Variants in LTN1 observed in about 807,000 individuals in gnomAD.
LTN1 encodes E3 ubiquitin-protein ligase listerin.
LTN1 carries 88 observed loss-of-function variants against 201.2 expected under a neutral mutation model. The observed-to-expected ratio is 0.44, with a 90% CI of 0.37 to 0.52. The LOEUF (loss-of-function observed/expected upper bound fraction) is 0.52. Ranked by LOEUF, LTN1 falls within the 20% of genes least tolerant of loss-of-function variation. The pLI is 0.00. For missense variants in LTN1, 1,752 were observed against 2,038.7 expected (o/e 0.86, Z 2.71); for synonymous variants, 645 against 713.5 (o/e 0.90, Z 1.53).
At position 28,931,179 on chromosome 21, in the gene LTN1, C is replaced by T; in HGVS notation, c.5214G>A (p.Lys1738=). Residue 1738 remains lysine (K), a synonymous_variant, in exon 29 of 30, where the codon AAG becomes AAA. Coordinates refer to ENST00000361371, the MANE Select transcript of LTN1 (RefSeq NM_015565.3). ...SLPKKACRTC[K]KKFHSACLYK... is the part of the protein sequence containing the mutation. ...CCAAGCAGGCTGAATGGAATTTTTT[C>T]TTGCATGTTCTACAGGCTTTTTTGG... 2.5e-6 allele frequency: 4 copies of T among 1,609,448 alleles called. No homozygotes were observed. Among genetic ancestry groups the T allele is most frequent in the South Asian group, 2.2e-5 (2 of 90,132 alleles).
intron 18 of LTN1, among the ~76,000 whole-genome samples, chr21:28,950,200 C>T (rs921983864): frequency 6.6e-6 from 1 of 152,040 alleles, no homozygotes; most frequent in Non-Finnish European, 1.5e-5. Context: ...ATCTTCCCAC[C>T]TTCTTTTGTG....
chr21:28,971,354 C>T lies in LTN1; in HGVS notation c.901G>A (p.Val301Ile). ...KEEASKVSPS[V>I]LLSIDDSDPI... ...TCACTGTCATCAATGCTAAGTAGAA[C>T]TGATGGGCTCACTTTGGATGCTTCC... The change falls in exon 7 of 30, where the codon GTT (valine) becomes ATT (isoleucine). Residue 301 changes from valine to isoleucine, a missense_variant. Physicochemically the swap from Val to Ile is conservative, Grantham distance 29 (BLOSUM62 3). Around this residue, in one of 3 missense-constraint regions of LTN1, gnomAD observed 280 missense variants for 375.7 expected, o/e 0.75. Transcript: ENST00000361371. 6.2e-7 allele frequency: 1 copy of T among 1,613,844 alleles called. No homozygotes were observed. The highest frequency in any genetic ancestry group is 1.3e-5 in the African/African-American group (1 of 75,058).
At chr21:28,942,665 G>A (rs888071308) in intron 24 of LTN1, among the ~76,000 whole-genome samples, 8 of 152,044 alleles carry the variant, frequency 5.3e-5, no homozygotes, top group African/African-American at 1.9e-4. Flanking sequence ...CTTAACTTAT[G>A]TTGTCTTTCC....
chr21:28,986,695 TTTC>T lies in LTN1; in HGVS notation c.246+33_246+35del, dbSNP rs779403690. On this transcript the variant is annotated intron_variant, in intron 2 of 29. Transcript: ENST00000361371. This position sits in a 1 kb window ranked among gnomAD's most constrained non-coding sequence, Gnocchi z 4.1. ...TGACATTTTATTTTAACAAAGGGAT[TTTC>T]TTGATAATTTTTATGAAAACAAGAA... The T allele has an allele frequency of 2.2e-5, 33 of 1,498,944 alleles. No homozygotes were observed. The Admixed American group carries it at 5.7e-4, about 26-fold the overall frequency. 92.9% of individuals were successfully genotyped at this position (1,498,944 alleles called of 1,614,324 possible). A position where few individuals can be genotyped will look rare whatever the true frequency, so the allele number is the denominator to read the frequency against.
rs919035392 is a variant in LTN1 at position 28,972,718 on chromosome 21, C to T, written c.811-1274G>A. 1.4e-4 allele frequency among the ~76,000 whole-genome samples: 22 copies of T among 152,080 alleles called. No individual in the cohort carries two copies. The Middle Eastern group carries it at 0.01, about 71-fold the overall frequency. ...GCTTAATATCTATTTAATCAGAATC[C>T]CAAAACAAGAGAAGAATGAGGAAGG... On this transcript the variant is annotated intron_variant, in intron 6 of 29. Transcript: ENST00000361371.
chr21:28,971,230 G>C (rs2084571675), intron 7 of LTN1, 41 bp downstream of exon 7: 1 of 1,456,572 alleles, frequency 6.9e-7, no homozygotes, highest in South Asian at 1.4e-5. Flanking sequence ...TTATCTCATA[G>C]GTTCATTCCT....
chr21:28,954,401 C>T (rs2084408031), intron 16 of LTN1, among the ~76,000 whole-genome samples: 1 of 152,170 alleles, frequency 6.6e-6, no homozygotes, highest in Non-Finnish European at 1.5e-5. Context: ...GTAAAAGTCA[C>T]TCCACCACCT....
chr21:28,964,797 CTT>C (rs2084508055), intron 11 of LTN1: 2 of 1,522,710 alleles, frequency 1.3e-6, no homozygotes, highest in Non-Finnish European at 1.8e-6. Context: ...TTAGTCTACT[CTT>C]ATCAAATTAT....
At chr21:28,988,937 C>A (rs1313120011) in intron 1 of LTN1, among the ~76,000 whole-genome samples, 1 of 151,030 alleles carries the variant, frequency 6.6e-6, no homozygotes, top group Non-Finnish European at 1.5e-5. Flanking sequence ...TGCACTCCAG[C>A]CTGGGCAAAA....
intron 21 of LTN1, among the ~76,000 whole-genome samples, 155 bp from the exon 22 acceptor site, chr21:28,944,751 A>G (rs142585988): frequency 1.3e-5 from 2 of 152,364 alleles, no homozygotes; most frequent in Non-Finnish European, 1.5e-5. Flanking sequence ...AAAATTTTAC[A>G]TCAAAATAAC....
At chr21:28,979,167 G>T (rs2084639693) in intron 6 of LTN1, among the ~76,000 whole-genome samples, 1 of 152,224 alleles carries the variant, frequency 6.6e-6, no homozygotes, top group African/African-American at 2.4e-5. Context: ...CCTAGTGATG[G>T]CTAGAATATA....
At position 28,930,105 on chromosome 21, in the gene LTN1, C is replaced by G. The variant is rs1431409723; in HGVS notation, c.*343G>C. 5.5e-6 allele frequency: 1 copy of G among 183,114 alleles called. No homozygotes were observed. Among genetic ancestry groups the G allele is most frequent in the Non-Finnish European group, 1.1e-5 (1 of 88,828 alleles). 11.3% of individuals were successfully genotyped at this position (183,114 alleles called of 1,614,324 possible). A position where few individuals can be genotyped will look rare whatever the true frequency, so the allele number is the denominator to read the frequency against. ...AGATCAACAAACGGAATGGGTTTAT[C>G]AATAATATAGTTGTGCAATCTTTTC... On this transcript the variant is annotated 3_prime_UTR_variant, in exon 30 of 30. Transcript: ENST00000361371.
At chr21:28,992,338 T>C (rs1316550081) in intron 1 of LTN1, among the ~76,000 whole-genome samples, 1 of 152,114 alleles carries the variant, frequency 6.6e-6, no homozygotes, top group Admixed American at 6.6e-5. Flanking sequence ...GAGCTTTAGC[T>C]TAGGAGAAGC....
chr21:28,952,873 C>A (rs1007003966), intron 17 of LTN1, among the ~76,000 whole-genome samples: 9 of 152,156 alleles, frequency 5.9e-5, no homozygotes, highest in Non-Finnish European at 1.0e-4. Flanking sequence ...AACATTAAGA[C>A]ACACCTATAA....
intron 27 of LTN1, among the ~76,000 whole-genome samples, chr21:28,934,264 G>A (rs1367206999): frequency 3.3e-5 from 5 of 152,224 alleles, no homozygotes; most frequent in Non-Finnish European, 5.9e-5. Context: ...CTTGGCATCT[G>A]TAAGTATTCC....
chr21:28,943,507 C>T (rs1487858689), intron 23 of LTN1, among the ~76,000 whole-genome samples, 160 bp downstream of exon 23: 1 of 152,024 alleles, frequency 6.6e-6, no homozygotes, highest in Non-Finnish European at 1.5e-5. Context: ...GTATAGAGAA[C>T]AATAACCTAA....
chr21:28,982,607 C>T (rs2146315237), intron 4 of LTN1, among the ~76,000 whole-genome samples: 1 of 152,338 alleles, frequency 6.6e-6, no homozygotes, highest in African/African-American at 2.4e-5. Flanking sequence ...ATACTCCTGA[C>T]CACTTGTTCC....
chr21:28,966,963 C>T lies in LTN1; in HGVS notation c.1528G>A (p.Glu510Lys). Residue 510 changes from glutamate to lysine, a missense_variant, in exon 10 of 30, where the codon GAG becomes AAG. By Grantham distance (56) the Glu-to-Lys change is moderately conservative. Transcript: ENST00000361371. ...AGGTTAGATACACCCAAAACGGACTCAACATCAGCTTCTGGCTCACTGATT... is the reference window on the plus strand; with the variant it reads ...AGGTTAGATACACCCAAAACGGACTTAACATCAGCTTCTGGCTCACTGATT... ...AKISEPEADV[E>K]SVLGVSNLLQ... 1 of 1,613,970 alleles carries T rather than the reference C, an allele frequency of 6.2e-7. No individual in the cohort carries two copies. The highest frequency in any genetic ancestry group is 8.5e-7 in the Non-Finnish European group (1 of 1,179,988).
At chr21:28,938,303 T>C (rs1399354122) in intron 25 of LTN1, among the ~76,000 whole-genome samples, 1 of 152,170 alleles carries the variant, frequency 6.6e-6, no homozygotes, top group Non-Finnish European at 1.5e-5. Context: ...ATACTTTTGG[T>C]AAAGCATCAA....
Sources: gnomAD v4.1 joint callset for allele counts (sites outside exome capture counted in the v4.1 genomes callset) on GRCh38, gnomAD v4.1.1 for gene constraint, gnomAD v4.1.1 regional missense constraint, Gnocchi (gnomAD v3.1) non-coding constraint, MANE v1.5 for transcripts, NCBI Gene and HGNC (gene_info 2026-07-23, HGNC 2026-07-21) for gene names.